The following SLC22A23 variants were observed in gnomAD, a reference collection of about 807,000 sequenced individuals.
SLC22A23 encodes solute carrier family 22 member 23.
SLC22A23 carries 26 observed loss-of-function variants against 61.0 expected under a neutral mutation model. That is an observed-to-expected ratio of 0.43 (90% CI 0.31 to 0.59). The LOEUF is 0.59. Among genes scored for constraint, SLC22A23 ranks in the 20% least tolerant of loss-of-function variants. The pLI is 0.11. For missense variants in SLC22A23, 796 were observed against 934.7 expected (o/e 0.85, Z 1.94); for synonymous variants, 430 against 413.9 (o/e 1.04, Z -0.47).
intron 4 of SLC22A23, among the ~76,000 whole-genome samples, chr6:3,300,662 G>C (rs1273697899): frequency 1.3e-5 from 2 of 152,236 alleles, no homozygotes; most frequent in Non-Finnish European, 2.9e-5. Context: ...GGAACAGACT[G>C]TGAGAAGCAG....
intron 2 of SLC22A23, among the ~76,000 whole-genome samples, chr6:3,411,579 C>T (rs1361350434): frequency 3.3e-5 from 5 of 151,644 alleles, no homozygotes; most frequent in Admixed American, 6.6e-5. Flanking sequence ...TTCCATTGTG[C>T]ACTTAAAATG....
chr6:3,297,992 G>A lies in SLC22A23; in HGVS notation c.1210+99C>T. The A allele has an allele frequency of 7.3e-7, 1 of 1,360,850 alleles. No homozygotes were observed. Among genetic ancestry groups the A allele is most frequent in the Non-Finnish European group, 9.6e-7 (1 of 1,039,948 alleles). 84.3% of individuals were successfully genotyped at this position (1,360,850 alleles called of 1,614,324 possible). On this transcript the variant is annotated intron_variant, in intron 5 of 9. Transcript: ENST00000406686. This position sits in a 1 kb window ranked among gnomAD's most constrained non-coding sequence, Gnocchi z 4.3. Reference sequence around the variant, plus strand: ...CAAAAGGTCACAGGAGAATTGCACAGCTGGTTAAAACAGCTGTTTGTGCAA... The same window carrying A: ...CAAAAGGTCACAGGAGAATTGCACAACTGGTTAAAACAGCTGTTTGTGCAA...
At position 3,328,555 on chromosome 6, in the gene SLC22A23, G is replaced by A. The variant is rs1017149873; in HGVS notation, c.914-4553C>T. 6.6e-6 allele frequency among the ~76,000 whole-genome samples: 1 copy of A among 152,114 alleles called. No homozygotes were observed. The highest frequency in any genetic ancestry group is 2.4e-5 in the African/African-American group (1 of 41,420). On this transcript the variant is annotated intron_variant, in intron 3 of 9. Transcript: ENST00000406686. This position sits in a 1 kb window ranked among gnomAD's most constrained non-coding sequence, Gnocchi z 5.0. ...TGCCAGGAGAGAGCTGACTTTGAGC[G>A]AGGGGCTTCTAGATAATTTGGGTGG...
rs1418746794 is a variant in SLC22A23, at chr6:3,360,188, G to A, written c.914-36186C>T. ...CCTCTAGAGATGAAGGGTGGTGATG[G>A]CTGTGTAAAAATGTGAATTACTTAA... On this transcript the variant is annotated intron_variant, in intron 3 of 9. Coordinates refer to ENST00000406686, the MANE Select transcript of SLC22A23 (RefSeq NM_015482.2). The surrounding 1 kb of genome is among the most constrained non-coding windows in gnomAD (Gnocchi z 4.6). Among the ~76,000 whole-genome samples, 1 of 152,156 alleles carries A rather than the reference G, an allele frequency of 6.6e-6. No homozygotes were observed. The highest frequency in any genetic ancestry group is 6.5e-5 in the Admixed American group (1 of 15,282).
chr6:3,285,272 G>A (rs974861919), intron 7 of SLC22A23, among the ~76,000 whole-genome samples, 161 bp from the exon 8 acceptor site: 1 of 152,260 alleles, frequency 6.6e-6, no homozygotes, highest in African/African-American at 2.4e-5. Flanking sequence ...CGCCGGGGCA[G>A]TGGAATTCAT....
In SLC22A23 at chr6:3,273,137, T is replaced by C. The variant is rs1189427628; in HGVS notation, c.1979A>G (p.Asp660Gly). ...PLLLTNAELK[D>G]YSGLHDAAAA... ...TGCGGCATCGTGGAGGCCCGAGTAGTCCTTGAGCTCGGCGTTGGTGAGCAG... is the reference window on the plus strand; with the variant it reads ...TGCGGCATCGTGGAGGCCCGAGTAGCCCTTGAGCTCGGCGTTGGTGAGCAG... The change falls in exon 10 of 10, where the codon GAC becomes GGC. Residue 660 changes from aspartate to glycine, a missense_variant. Transcript: ENST00000406686. 33 of 1,610,216 alleles carry C rather than the reference T, an allele frequency of 2.0e-5. No individual in the cohort carries two copies. Among genetic ancestry groups the C allele is most frequent in the Non-Finnish European group, 2.7e-5 (32 of 1,179,724 alleles).
chr6:3,349,995 T>C (rs1328859549), intron 3 of SLC22A23, among the ~76,000 whole-genome samples: 1 of 152,228 alleles, frequency 6.6e-6, no homozygotes, highest in Non-Finnish European at 1.5e-5. Flanking sequence ...CCCTTGGTTC[T>C]TGGTCTTTGT....
chr6:3,408,158 C>T (rs770274447), intron 3 of SLC22A23, among the ~76,000 whole-genome samples: 1 of 152,192 alleles, frequency 6.6e-6, no homozygotes, highest in African/African-American at 2.4e-5. Context: ...GAAAAATTTC[C>T]CACATGGAAA....
At chr6:3,345,028 T>A (rs772570560) in intron 3 of SLC22A23, among the ~76,000 whole-genome samples, 1 of 152,254 alleles carries the variant, frequency 6.6e-6, no homozygotes, top group Non-Finnish European at 1.5e-5. Flanking sequence ...AGTACTTGAC[T>A]AGACAAAAGA....
intron 1 of SLC22A23, chr6:3,445,133 C>T (rs1413329342): frequency 3.8e-6 from 1 of 261,422 alleles, no homozygotes; most frequent in East Asian, 1.8e-4. Flanking sequence ...CAGTAATGCT[C>T]TGGGAGAGAG....
intron 3 of SLC22A23, among the ~76,000 whole-genome samples, chr6:3,361,653 A>G (rs1765456023): frequency 6.6e-6 from 1 of 152,238 alleles, no homozygotes. Context: ...CTCTCAGTTG[A>G]ATTCAGACTC....
At chr6:3,306,123 T>TCACG (rs1226015840) in intron 4 of SLC22A23, among the ~76,000 whole-genome samples, 1 of 152,108 alleles carries the variant, frequency 6.6e-6, no homozygotes, top group Non-Finnish European at 1.5e-5. Context: ...AGCTGGCATG[T>TCACG]CACGGGGTGA....
At chr6:3,444,919 C>T (rs910554638) in intron 1 of SLC22A23, 43 of 985,470 alleles carry the variant, frequency 4.4e-5, no homozygotes, top group South Asian at 2.3e-4. Context: ...GCTCCTCCCC[C>T]CTCAAAGTGC....
chr6:3,378,296 C>A (rs1766714680), intron 3 of SLC22A23, among the ~76,000 whole-genome samples: 1 of 152,186 alleles, frequency 6.6e-6, no homozygotes, highest in African/African-American at 2.4e-5. Context: ...GTCCATCAGG[C>A]ATGGGTGGTG....
chr6:3,441,272 C>T (rs549098823), intron 1 of SLC22A23, among the ~76,000 whole-genome samples: 16 of 152,246 alleles, frequency 1.1e-4, no homozygotes, highest in Non-Finnish European at 1.2e-4. Context: ...TGGGTGGACA[C>T]GAGCCCTTCT....
At position 3,333,262 on chromosome 6, in the gene SLC22A23, G is replaced by A. The variant is rs556487990; in HGVS notation, c.914-9260C>T. 4.2e-4 allele frequency among the ~76,000 whole-genome samples: 64 copies of A among 152,244 alleles called. No individual in the cohort carries two copies. Among genetic ancestry groups the A allele is most frequent in the Non-Finnish European group, 8.2e-4 (56 of 68,000 alleles). On this transcript the variant is annotated intron_variant, in intron 3 of 9. Transcript: ENST00000406686. The surrounding 1 kb of genome is among the most constrained non-coding windows in gnomAD (Gnocchi z 4.1). ...GAAGAACTTGTATTCAGCAACAAGGGCCAGCTCTTTGCCCTGAAATACGGT... is the reference window on the plus strand; with the variant it reads ...GAAGAACTTGTATTCAGCAACAAGGACCAGCTCTTTGCCCTGAAATACGGT...
intron 1 of SLC22A23, among the ~76,000 whole-genome samples, chr6:3,420,755 A>C (rs1021385523): frequency 1.3e-5 from 2 of 152,262 alleles, no homozygotes; most frequent in African/African-American, 4.8e-5. Flanking sequence ...AAGCGCCCAC[A>C]TGATTAACCA....
At chr6:3,439,709 CCATGCAGGAAGTGTTTA>C (rs1321722566) in intron 1 of SLC22A23, among the ~76,000 whole-genome samples, 1 of 152,156 alleles carries the variant, frequency 6.6e-6, no homozygotes, top group East Asian at 1.9e-4. Flanking sequence ...CTTACTGGCA[CCATGCAGGAAGTGTTTA>C]CAGAGTACCT....
chr6:3,361,064 C>G (rs1232818380), intron 3 of SLC22A23, among the ~76,000 whole-genome samples: 4 of 146,004 alleles, frequency 2.7e-5, no homozygotes, highest in Admixed American at 1.4e-4. Context: ...ACCCACCCCC[C>G]CCATTTTATG....
Sources: gnomAD v4.1 joint callset for allele counts (sites outside exome capture counted in the v4.1 genomes callset) on GRCh38, gnomAD v4.1.1 for gene constraint, Gnocchi (gnomAD v3.1) non-coding constraint, MANE v1.5 for transcripts, NCBI Gene and HGNC (gene_info 2026-07-23, HGNC 2026-07-21) for gene names.